PCSK5: variants seen among roughly 807,000 people sequenced by gnomAD.
The protein encoded by PCSK5 is proprotein convertase subtilisin/kexin type 5, also known as prohormone convertase 5.
Under a neutral mutation model 233.2 loss-of-function variants are expected in PCSK5, and 129 were observed. The observed-to-expected ratio is 0.55, with a 90% confidence interval of 0.48 to 0.64. The LOEUF (loss-of-function observed/expected upper bound fraction) is 0.64. Among genes scored for constraint, PCSK5 ranks in the 30% least tolerant of loss-of-function variants. The pLI, the probability that PCSK5 is intolerant of heterozygous loss-of-function variation, is 0.00. For synonymous variants in PCSK5, 825 were observed against 879.2 expected, an observed-to-expected ratio of 0.94 and a Z score of 1.09; for missense variants, 2,076 against 2,430.1, an observed-to-expected ratio of 0.85 and a Z score of 3.06.
At chr9:76,125,680 T>C (rs10781339) in intron 9 of PCSK5, among the ~76,000 whole-genome samples, 1 of 151,842 alleles carries the variant, frequency 6.6e-6, no homozygotes, top group Non-Finnish European at 1.5e-5. Context: ...AAATTTCTTC[T>C]GTAGTAAGAA....
At chr9:76,131,195 A>G (rs1369272861) in intron 9 of PCSK5, among the ~76,000 whole-genome samples, 1 of 152,164 alleles carries the variant, frequency 6.6e-6, no homozygotes, top group African/African-American at 2.4e-5. Context: ...CCCTGTGAGT[A>G]TAAATACAAA....
At chr9:76,281,128 G>C (rs1364255272) in intron 24 of PCSK5, among the ~76,000 whole-genome samples, 3 of 152,224 alleles carry the variant, frequency 2.0e-5, no homozygotes, top group Non-Finnish European at 4.4e-5. Flanking sequence ...TGATGCAGAA[G>C]CTGCAGCAAA....
intron 6 of PCSK5, among the ~76,000 whole-genome samples, chr9:76,070,161 C>T (rs1355817918): frequency 2.0e-5 from 3 of 152,134 alleles, no homozygotes; most frequent in Admixed American, 6.5e-5. Flanking sequence ...CCACTGCGCC[C>T]GGCTAATTTT....
intron 10 of PCSK5, among the ~76,000 whole-genome samples, chr9:76,149,765 GGTATA>G (rs1349418934): frequency 4.6e-5 from 7 of 152,002 alleles, no homozygotes; most frequent in Admixed American, 1.3e-4. Context: ...TCCCCAAGCT[GGTATA>G]GTAGTTTTCC....
At chr9:76,279,076 C>T (rs1827784315) in intron 24 of PCSK5, among the ~76,000 whole-genome samples, 1 of 127,056 alleles carries the variant, frequency 7.9e-6, no homozygotes, top group Admixed American at 9.1e-5. Context: ...CCCCACCCCA[C>T]CACAGTCCCC....
chr9:76,321,365 T>G, intron 30 of PCSK5, 57 bp from the exon 31 acceptor site: 1 of 919,698 alleles, frequency 1.1e-6, no homozygotes, highest in South Asian at 1.3e-5. Context: ...TCCCCAGGAA[T>G]GAGTCACTTC....
At chr9:76,090,495 C>G (rs115206263) in intron 7 of PCSK5, among the ~76,000 whole-genome samples, 1 of 152,140 alleles carries the variant, frequency 6.6e-6, no homozygotes, top group Non-Finnish European at 1.5e-5. Flanking sequence ...AAACCATACT[C>G]GCAGGAATAA....
intron 12 of PCSK5, among the ~76,000 whole-genome samples, chr9:76,168,924 C>T (rs925619463): frequency 1.3e-5 from 2 of 152,124 alleles, no homozygotes; most frequent in East Asian, 3.8e-4. Flanking sequence ...ATAATTTTGC[C>T]TTTTCTAGAA....
chr9:75,970,111 G>C (rs1825753822), intron 2 of PCSK5, among the ~76,000 whole-genome samples: 1 of 152,026 alleles, frequency 6.6e-6, no homozygotes, highest in African/African-American at 2.4e-5. Flanking sequence ...GACCTCAGTT[G>C]ATCCGCCCAC....
intron 24 of PCSK5, among the ~76,000 whole-genome samples, chr9:76,281,807 C>G (rs1447243672): frequency 6.6e-6 from 1 of 152,128 alleles, no homozygotes; most frequent in Non-Finnish European, 1.5e-5. Context: ...TGCCACCACA[C>G]TAGGCTAATT....
intron 2 of PCSK5, among the ~76,000 whole-genome samples, chr9:75,979,155 T>C (rs1392027839): frequency 1.3e-5 from 2 of 152,138 alleles, no homozygotes; most frequent in Non-Finnish European, 2.9e-5. Context: ...ACACTTTTTA[T>C]CATAGAGATT....
chr9:76,257,508 A>G (rs558874204), intron 24 of PCSK5, among the ~76,000 whole-genome samples: 1 of 152,254 alleles, frequency 6.6e-6, no homozygotes, highest in East Asian at 1.9e-4. Flanking sequence ...CAGGAGGGTA[A>G]TTTGGTAGGC....
chr9:75,952,211 A>G (rs117584269), intron 2 of PCSK5, among the ~76,000 whole-genome samples: 235 of 152,310 alleles, frequency 1.5e-3, no homozygotes, highest in Non-Finnish European at 2.7e-3. Context: ...CTATAATTCA[A>G]TATTTGTTTA....
At chr9:76,316,649 GATC>G in intron 30 of PCSK5, among the ~76,000 whole-genome samples, 1 of 145,750 alleles carries the variant, frequency 6.9e-6, no homozygotes, top group East Asian at 2.1e-4. Context: ...AAAGTGGGAG[GATC>G]ACTTGAGCCC....
rs1829735505 is a variant in PCSK5 at position 76,338,329 on chromosome 9, A to T, written c.4848A>T (p.Arg1616Ser). The T allele has an allele frequency of 1.9e-6, 3 of 1,612,418 alleles. No individual in the cohort carries two copies. The highest frequency in any genetic ancestry group is 2.5e-6 in the Non-Finnish European group (3 of 1,179,722). ...PRPTDCLSCDRFFFLLRSKGE... is the reference protein window; with the variant it reads ...PRPTDCLSCDSFFFLLRSKGE... ...CCACAGACTGCCTGTCTTGCGATAG[A>T]TTTTTCTTTCTGCTCCGCTCCAAAG... The change falls in exon 35 of 38, where the codon AGA (arginine) becomes AGT (serine). Residue 1616 changes from arginine (R) to serine (S), a missense_variant. Physicochemically the swap from Arg to Ser is moderately radical, Grantham distance 110. Coordinates refer to ENST00000674117, the MANE Select transcript of PCSK5 (RefSeq NM_001372043.1).
At chr9:75,996,085 T>G (rs1827009722) in intron 3 of PCSK5, among the ~76,000 whole-genome samples, 1 of 152,192 alleles carries the variant, frequency 6.6e-6, no homozygotes, top group Non-Finnish European at 1.5e-5. Flanking sequence ...CTTAAAAAAA[T>G]ACTTTGTATT....
intron 20 of PCSK5, among the ~76,000 whole-genome samples, chr9:76,208,936 T>C (rs938735709): frequency 2.6e-5 from 4 of 152,224 alleles, no homozygotes; most frequent in African/African-American, 4.8e-5. Context: ...CTCTCTAATA[T>C]ATTTTTGTCA....
At chr9:76,348,922 A>G (rs941950736) in intron 35 of PCSK5, among the ~76,000 whole-genome samples, 3 of 152,110 alleles carry the variant, frequency 2.0e-5, no homozygotes, top group Admixed American at 2.0e-4. Flanking sequence ...TTCATTTAAA[A>G]AAAACTCTCT....
intron 34 of PCSK5, among the ~76,000 whole-genome samples, chr9:76,335,000 C>T (rs1829636624): frequency 6.6e-6 from 1 of 152,152 alleles, no homozygotes; most frequent in Non-Finnish European, 1.5e-5. Flanking sequence ...ATTGCTTGAA[C>T]CTTGGAGGTG....
Sources: gnomAD v4.1 joint callset for allele counts (sites outside exome capture counted in the v4.1 genomes callset) on GRCh38, gnomAD v4.1.1 for gene constraint, MANE v1.5 for transcripts, NCBI Gene and HGNC (gene_info 2026-07-23, HGNC 2026-07-21) for gene names.